Variants in ANKFY1 observed in about 807,000 individuals in gnomAD.
ANKFY1 encodes ankyrin repeat and FYVE domain containing 1.
In ANKFY1, 47 loss-of-function variants were observed where a neutral mutation model predicts 128.3. That is an observed-to-expected ratio of 0.37 (90% CI 0.29 to 0.47). The LOEUF is 0.47. Among genes scored for constraint, ANKFY1 ranks in the 20% least tolerant of loss-of-function variants. The probability of loss-of-function intolerance (pLI) is 1.00; values close to 1 mark genes in which losing one functional copy is unlikely to be tolerated. For synonymous variants in ANKFY1, 553 were observed against 601.6 expected, an observed-to-expected ratio of 0.92 and a Z score of 1.18; for missense variants, 1,222 against 1,510.6, an observed-to-expected ratio of 0.81 and a Z score of 3.17.
intron 8 of ANKFY1, among the ~76,000 whole-genome samples, chr17:4,196,079 C>T (rs1473002992): frequency 5.1e-5 from 5 of 98,424 alleles, no homozygotes; most frequent in Non-Finnish European, 9.6e-5. Context: ...AAGGCTGCAC[C>T]TACCCCGCCC....
At chr17:4,190,062 C>T (rs1453149539) in intron 10 of ANKFY1, among the ~76,000 whole-genome samples, 3 of 152,156 alleles carry the variant, frequency 2.0e-5, no homozygotes, top group African/African-American at 7.2e-5. Flanking sequence ...ACATTTTGGA[C>T]AGGATAAATT....
intron 3 of ANKFY1, chr17:4,222,423 G>C (rs1057057157): frequency 1.2e-6 from 1 of 800,446 alleles, no homozygotes; most frequent in Non-Finnish European, 2.3e-6. Flanking sequence ...CCTGGCATTC[G>C]AAGTCCAAGG....
intron 7 of ANKFY1, among the ~76,000 whole-genome samples, chr17:4,200,365 G>A (rs1195342461): frequency 6.6e-6 from 1 of 152,028 alleles, no homozygotes; most frequent in African/African-American, 2.4e-5. Context: ...CACCTGGCCT[G>A]GAAAGTCTTT....
At chr17:4,228,613 C>T (rs948326566) in intron 3 of ANKFY1, among the ~76,000 whole-genome samples, 2 of 151,986 alleles carry the variant, frequency 1.3e-5, no homozygotes, top group Non-Finnish European at 2.9e-5. Flanking sequence ...GATGGGGTTT[C>T]GCCATGTTAG....
intron 5 of ANKFY1, 108 bp from the exon 6 acceptor site, chr17:4,208,190 T>G (rs1347735391): frequency 1.9e-6 from 2 of 1,070,468 alleles, no homozygotes; most frequent in Non-Finnish European, 2.6e-6. Flanking sequence ...TTTAAGGGCT[T>G]AACCTTTCCC....
At chr17:4,182,147 C>G in intron 15 of ANKFY1, 34 bp downstream of exon 15, 1 of 1,438,808 alleles carries the variant, frequency 7.0e-7, no homozygotes, top group Non-Finnish European at 9.3e-7. Context: ...ATATCCCCAT[C>G]TGTAAACAGA....
At position 4,263,859 on chromosome 17, in the gene ANKFY1, C is replaced by T. The variant is rs1251588533; in HGVS notation, c.10+73G>A. On this transcript the variant is annotated intron_variant, in intron 1 of 24. Transcript: ENST00000341657. ...AACCACGCCCGGCCTTCCCCTCCCACGGCAGCTTCGCACGGCCAGCAGCGC... is the reference window on the plus strand; with the variant it reads ...AACCACGCCCGGCCTTCCCCTCCCATGGCAGCTTCGCACGGCCAGCAGCGC... The T allele has an allele frequency of 6.2e-6, 10 of 1,612,858 alleles. No homozygotes were observed. In the Admixed American group the frequency reaches 1.7e-4, roughly 27 times the overall value.
Position 4,216,866 on chromosome 17 carries a change from A to G in ANKFY1, c.458+117T>C, listed in dbSNP as rs144458703. On this transcript the variant is annotated intron_variant, in intron 4 of 24. Transcript: ENST00000341657. Reference sequence around the variant, plus strand: ...CATCTGTCCCCAGCATCGCCTTTAAAGGAACACCTTGCCAAGTTATTTACA... The same window carrying G: ...CATCTGTCCCCAGCATCGCCTTTAAGGGAACACCTTGCCAAGTTATTTACA... 183 of 1,438,010 alleles carry G rather than the reference A, an allele frequency of 1.3e-4. No homozygotes were observed. In the East Asian group the frequency reaches 3.3e-3, roughly 26 times the overall value. The allele number at this position is 1,438,010 out of a possible 1,614,324, so 89.1% of individuals were successfully genotyped here. A position where few individuals can be genotyped will look rare whatever the true frequency, so the allele number is the denominator to read the frequency against.
At position 4,167,697 on chromosome 17, in the gene ANKFY1, C is replaced by G. The variant is rs1391411039; in HGVS notation, c.*82G>C. The G allele has an allele frequency of 1.4e-6, 2 of 1,414,976 alleles. No individual in the cohort carries two copies. The highest frequency in any genetic ancestry group is 1.9e-6 in the Non-Finnish European group (2 of 1,058,932). The allele number at this position is 1,414,976 out of a possible 1,614,324, so 87.7% of individuals were successfully genotyped here. A position where few individuals can be genotyped will look rare whatever the true frequency, so the allele number is the denominator to read the frequency against. On this transcript the variant is annotated 3_prime_UTR_variant, in exon 25 of 25. Coordinates refer to ENST00000341657, the MANE Select transcript of ANKFY1 (RefSeq NM_001330063.2). The surrounding 1 kb of genome is among the most constrained non-coding windows in gnomAD (Gnocchi z 4.1). ...GCAGGAAGACACCCGCCAGCTCCTG[C>G]TCTGGGTGGGGTCAGGCTGGTGAGC...
chr17:4,261,504 A>G (rs977785619), intron 1 of ANKFY1, among the ~76,000 whole-genome samples: 1 of 152,236 alleles, frequency 6.6e-6, no homozygotes, highest in Non-Finnish European at 1.5e-5. Flanking sequence ...GGAAGGAAAG[A>G]AAGACTGTGA....
At chr17:4,219,539 C>A (rs1173674324) in intron 3 of ANKFY1, among the ~76,000 whole-genome samples, 1 of 152,050 alleles carries the variant, frequency 6.6e-6, no homozygotes, top group East Asian at 1.9e-4. Context: ...CCAGGAACAC[C>A]TTATTAACTT....
chr17:4,175,075 G>A (rs1056067399), intron 19 of ANKFY1, among the ~76,000 whole-genome samples: 2 of 150,418 alleles, frequency 1.3e-5, no homozygotes, highest in Non-Finnish European at 3.0e-5. Context: ...GCTCAGGCCT[G>A]TAGTCCCAGC....
At chr17:4,254,164 T>A (rs1346752849) in intron 1 of ANKFY1, among the ~76,000 whole-genome samples, 2 of 151,486 alleles carry the variant, frequency 1.3e-5, no homozygotes, top group East Asian at 3.9e-4. Context: ...ATTAGCCAGG[T>A]GTGGTGGCAG....
At chr17:4,217,500 T>C (rs1365013372) in intron 3 of ANKFY1, among the ~76,000 whole-genome samples, 2 of 151,844 alleles carry the variant, frequency 1.3e-5, no homozygotes, top group South Asian at 2.1e-4. Flanking sequence ...TGAGCAGAGA[T>C]TGAGCCACTG....
In ANKFY1 at chr17:4,223,685, C is replaced by T. The variant is rs552875951; in HGVS notation, c.323-6567G>A. 392 of 1,601,932 alleles carry T rather than the reference C, an allele frequency of 2.4e-4. 2 individuals are homozygous for T. In the African/African-American group the frequency reaches 3.6e-3, roughly 15 times the overall value. On this transcript the variant is annotated intron_variant, in intron 3 of 24. Coordinates refer to ENST00000341657, the MANE Select transcript of ANKFY1 (RefSeq NM_001330063.2). ...GGCCGCATACCTGAAAGATGGTTAC[C>T]GAATAGCCCAGCCAATCAACTGTCC...
At chr17:4,200,571 A>T (rs982939951) in intron 7 of ANKFY1, among the ~76,000 whole-genome samples, 1 of 152,184 alleles carries the variant, frequency 6.6e-6, no homozygotes, top group Non-Finnish European at 1.5e-5. Context: ...CTTCAGCTGG[A>T]TGATCCCCAG....
chr17:4,222,568 G>A lies in ANKFY1; in HGVS notation c.323-5450C>T. 4 of 1,253,548 alleles carry A rather than the reference G, an allele frequency of 3.2e-6. No homozygotes were observed. In the South Asian group the frequency reaches 4.9e-5, roughly 15 times the overall value. The allele number at this position is 1,253,548 out of a possible 1,614,324, so 77.7% of individuals were successfully genotyped here. A position where few individuals can be genotyped will look rare whatever the true frequency, so the allele number is the denominator to read the frequency against. ...AGAGCTTTCCTGTACTGGCAAAGTA[G>A]ATTCTGAAGTTATGATACTAATGCA... On this transcript the variant is annotated intron_variant, in intron 3 of 24. Coordinates refer to ENST00000341657, the MANE Select transcript of ANKFY1 (RefSeq NM_001330063.2).
intron 1 of ANKFY1, among the ~76,000 whole-genome samples, chr17:4,244,521 A>C (rs1967428386): frequency 6.6e-6 from 1 of 152,000 alleles, no homozygotes; most frequent in Non-Finnish European, 1.5e-5. Flanking sequence ...TGCTACAATC[A>C]TCCTCCGGGC....
chr17:4,228,419 T>C (rs1401542860), intron 3 of ANKFY1, among the ~76,000 whole-genome samples: 1 of 72,052 alleles, frequency 1.4e-5, no homozygotes, highest in Non-Finnish European at 3.8e-5. Context: ...TTTTGTTAGT[T>C]TTTTTTTTTT....
Sources: gnomAD v4.1 joint callset for allele counts (sites outside exome capture counted in the v4.1 genomes callset) on GRCh38, gnomAD v4.1.1 for gene constraint, Gnocchi (gnomAD v3.1) non-coding constraint, MANE v1.5 for transcripts, NCBI Gene and HGNC (gene_info 2026-07-23, HGNC 2026-07-21) for gene names.